The following TAFA5 variants were observed in gnomAD, a reference collection of about 807,000 sequenced individuals.
TAFA5 encodes TAFA chemokine like family member 5, also known as chemokine-like protein TAFA-5.
Under a neutral mutation model 15.3 loss-of-function variants are expected in TAFA5, and 6 were observed. The ratio of observed to expected loss-of-function variants is 0.39; its 90% CI spans 0.21 to 0.77. The LOEUF is 0.77. Among genes scored for constraint, TAFA5 ranks in the 30% least tolerant of loss-of-function variants. TAFA5 has a pLI of 0.41. For synonymous variants in TAFA5, 103 were observed against 80.7 expected (o/e 1.28, Z -1.48); for missense variants, 161 against 193.1 (o/e 0.83, Z 0.98).
intron 1 of TAFA5, among the ~76,000 whole-genome samples, chr22:48,564,586 G>A (rs1209143507): frequency 6.6e-6 from 1 of 152,212 alleles, no homozygotes; most frequent in Non-Finnish European, 1.5e-5. Context: ...GGGGCTCCGA[G>A]TCTTCTTCCC....
At chr22:48,519,768 G>A (rs1921539694) in intron 1 of TAFA5, among the ~76,000 whole-genome samples, 2 of 152,140 alleles carry the variant, frequency 1.3e-5, no homozygotes, top group South Asian at 4.1e-4. Flanking sequence ...GGAGGGAGGT[G>A]AGCCGAGCAG....
At chr22:48,646,300 C>T (rs1438098082) in intron 1 of TAFA5, among the ~76,000 whole-genome samples, 3 of 152,210 alleles carry the variant, frequency 2.0e-5, no homozygotes, top group African/African-American at 4.8e-5. Flanking sequence ...CTTTCATTTC[C>T]GGGCGTGATA....
intron 1 of TAFA5, among the ~76,000 whole-genome samples, chr22:48,524,567 C>T (rs1456182308): frequency 6.6e-6 from 1 of 152,230 alleles, no homozygotes; most frequent in Non-Finnish European, 1.5e-5. Flanking sequence ...CCAAAACACT[C>T]GGGATGGCTG....
At chr22:48,710,611 C>T (rs780641547) in intron 3 of TAFA5, among the ~76,000 whole-genome samples, 5 of 152,194 alleles carry the variant, frequency 3.3e-5, no homozygotes, top group Non-Finnish European at 7.3e-5. Flanking sequence ...GACAGAGAAC[C>T]GAGGTGCTCA....
At chr22:48,592,995 TTC>T (rs1924626334) in intron 1 of TAFA5, among the ~76,000 whole-genome samples, 1 of 152,070 alleles carries the variant, frequency 6.6e-6, no homozygotes, top group East Asian at 1.9e-4. Flanking sequence ...CCAGGGCCTC[TTC>T]AGAGCTAGCT....
intron 1 of TAFA5, chr22:48,539,110 G>C (rs926670029): frequency 3.1e-5 from 8 of 257,840 alleles, no homozygotes; most frequent in African/African-American, 1.8e-4. Flanking sequence ...GCTGAATCCC[G>C]GGGAGAGAAG....
At chr22:48,626,144 A>G (rs1408271223) in intron 1 of TAFA5, among the ~76,000 whole-genome samples, 1 of 152,216 alleles carries the variant, frequency 6.6e-6, no homozygotes, top group Non-Finnish European at 1.5e-5. Context: ...TGAATAAGGC[A>G]GCTATAAACA....
chr22:48,744,004 A>T (rs1234239669), intron 3 of TAFA5, among the ~76,000 whole-genome samples: 1 of 152,194 alleles, frequency 6.6e-6, no homozygotes, highest in Non-Finnish European at 1.5e-5. Flanking sequence ...GCGTAGTTTC[A>T]GTCCTAGGGC....
intron 2 of TAFA5, among the ~76,000 whole-genome samples, chr22:48,671,990 C>T (rs942412165): frequency 2.0e-5 from 3 of 152,230 alleles, no homozygotes; most frequent in Non-Finnish European, 4.4e-5. Flanking sequence ...AATCCCTGAA[C>T]CTCTCCAAGT....
intron 3 of TAFA5, among the ~76,000 whole-genome samples, chr22:48,731,052 C>G (rs1415986194): frequency 1.3e-5 from 2 of 152,166 alleles, no homozygotes; most frequent in African/African-American, 4.8e-5. Context: ...AAGATAAATG[C>G]AAGTACTACT....
intron 3 of TAFA5, among the ~76,000 whole-genome samples, chr22:48,718,773 C>T (rs1293101703): frequency 3.3e-5 from 5 of 152,210 alleles, no homozygotes; most frequent in Non-Finnish European, 7.3e-5. Flanking sequence ...CCCAACCTTC[C>T]AGTCCTCCGT....
chr22:48,584,826 C>T (rs1272253037), intron 1 of TAFA5, among the ~76,000 whole-genome samples: 1 of 149,922 alleles, frequency 6.7e-6, no homozygotes, highest in African/African-American at 2.5e-5. Flanking sequence ...CACGCATACA[C>T]ACGTATACAA....
At chr22:48,748,690 C>A (rs182125802) in intron 3 of TAFA5, among the ~76,000 whole-genome samples, 1 of 152,308 alleles carries the variant, frequency 6.6e-6, no homozygotes, top group Non-Finnish European at 1.5e-5. Context: ...CAGTGACTGG[C>A]GCCCAGGAGC....
At chr22:48,652,808 CCTCTCCA>C (rs138259806) in intron 2 of TAFA5, among the ~76,000 whole-genome samples, 122,179 of 152,134 alleles carry the variant, frequency 0.8, 49,302 homozygotes, top group East Asian at 0.98. Flanking sequence ...CAGGAGGCAC[CCTCTCCA>C]CTGCTTAGGG....
At chr22:48,519,519 A>AG (rs987415656) in intron 1 of TAFA5, among the ~76,000 whole-genome samples, 1 of 151,618 alleles carries the variant, frequency 6.6e-6, no homozygotes, top group Non-Finnish European at 1.5e-5. Flanking sequence ...TTTTATGTGA[A>AG]GGGGGGGATG....
intron 1 of TAFA5, chr22:48,544,247 G>A (rs756111704): frequency 1.9e-4 from 38 of 196,232 alleles, no homozygotes; most frequent in African/African-American, 6.2e-4. Flanking sequence ...TCTGATACCC[G>A]CCACACTGGC....
chr22:48,625,941 A>G (rs1926012271), intron 1 of TAFA5, among the ~76,000 whole-genome samples: 1 of 152,208 alleles, frequency 6.6e-6, no homozygotes, highest in Non-Finnish European at 1.5e-5. Flanking sequence ...AGTCGGATTC[A>G]TAGTGCATGC....
chr22:48,495,249 G>C (rs1204063836), intron 1 of TAFA5, among the ~76,000 whole-genome samples: 1 of 152,210 alleles, frequency 6.6e-6, no homozygotes, highest in African/African-American at 2.4e-5. Context: ...TGGAGACGTG[G>C]CTTCCAGGGT....
rs561654012 is a variant in TAFA5 at position 48,598,516 on chromosome 22, G to A, written c.113-48081G>A. Among the ~76,000 whole-genome samples the A allele has an allele frequency of 2.6e-5, 4 of 152,176 alleles. No individual in the cohort carries two copies. The highest frequency in any genetic ancestry group is 2.9e-5 in the Non-Finnish European group (2 of 68,024). ...CACCTCCTGGGAGAGTGGCCATTTC[G>A]TGGGCCCAGCAGTGGCTGCATCTTA... On this transcript the variant is annotated intron_variant, in intron 1 of 3. Coordinates refer to ENST00000402357, the MANE Select transcript of TAFA5 (RefSeq NM_001082967.3). The surrounding 1 kb of genome is among the most constrained non-coding windows in gnomAD (Gnocchi z 4.0).
Sources: allele counts gnomAD v4.1 joint callset (sites outside exome capture counted in the v4.1 genomes callset), GRCh38; gene constraint gnomAD v4.1.1; non-coding constraint Gnocchi (gnomAD v3.1); transcripts MANE v1.5; gene names NCBI Gene and HGNC (gene_info 2026-07-23, HGNC 2026-07-21).